The following COQ5 variants were observed in gnomAD, a reference collection of about 807,000 sequenced individuals.
COQ5 encodes coenzyme Q5, methyltransferase.
A neutral mutation model predicts 40.5 loss-of-function variants in COQ5; 27 were observed. The observed-to-expected ratio is 0.67, with a 90% CI of 0.49 to 0.92. The LOEUF (loss-of-function observed/expected upper bound fraction) is 0.92, where lower values mean the gene tolerates loss of function less well. Among genes scored for constraint, COQ5 ranks in the 40% least tolerant of loss-of-function variants. The pLI, the probability that COQ5 is intolerant of heterozygous loss-of-function variation, is 0.00. For synonymous variants in COQ5, 141 were observed against 150.0 expected, an observed-to-expected ratio of 0.94 and a Z score of 0.44; for missense variants, 409 against 406.4, an observed-to-expected ratio of 1.01 and a Z score of -0.06.
intron 2 of COQ5, 132 bp from the exon 3 acceptor site, chr12:120,516,920 G>A: frequency 1.3e-6 from 1 of 798,522 alleles, no homozygotes; most frequent in Admixed American, 1.9e-5. Context: ...ATGCAGTGTG[G>A]CTGAAAGCCA....
Position 120,523,076 on chromosome 12 carries a change from T to C in COQ5, c.203-713A>G, listed in dbSNP as rs975840752. 4 of 383,192 alleles carry C rather than the reference T, an allele frequency of 1.0e-5. No homozygotes were observed. The East Asian group carries it at 1.2e-4, about 12-fold the overall frequency. 23.7% of individuals were successfully genotyped at this position (383,192 alleles called of 1,614,324 possible). On this transcript the variant is annotated intron_variant, in intron 1 of 6. Coordinates refer to ENST00000288532, the MANE Select transcript of COQ5 (RefSeq NM_032314.4). ...CTTATCGGCCAGGCGCGGTGGCTCA[T>C]GCCTGTAATCCCAGCACTTTGGGAG...
intron 2 of COQ5, 96 bp from the exon 3 acceptor site, chr12:120,516,884 C>T (rs1869401514): frequency 3.8e-6 from 4 of 1,045,480 alleles, no homozygotes; most frequent in African/African-American, 1.6e-5. Context: ...AACAGAGGCA[C>T]AGGAGTACCT....
intron 3 of COQ5, among the ~76,000 whole-genome samples, chr12:120,513,631 T>C (rs1869246832): frequency 6.6e-6 from 1 of 150,438 alleles, no homozygotes; most frequent in African/African-American, 2.4e-5. Flanking sequence ...GAGATTCTCG[T>C]GCCTCAGCCT....
chr12:120,522,896 G>T, intron 1 of COQ5: 1 of 719,624 alleles, frequency 1.4e-6, no homozygotes, highest in Non-Finnish European at 2.5e-6. Flanking sequence ...GCTTTACAAG[G>T]GCCTTGATAG....
At chr12:120,513,922 A>C (rs1869261299) in intron 3 of COQ5, among the ~76,000 whole-genome samples, 1 of 152,180 alleles carries the variant, frequency 6.6e-6, no homozygotes, top group Admixed American at 6.6e-5. Context: ...GAGATTGATA[A>C]AACAAGGAGG....
intron 1 of COQ5, chr12:120,523,379 C>A: frequency 2.7e-6 from 1 of 367,942 alleles, no homozygotes; most frequent in Non-Finnish European, 5.2e-6. Flanking sequence ...ATCGGGGTTT[C>A]TTGATACCAT....
At chr12:120,526,660 C>A in intron 1 of COQ5, 6 of 213,252 alleles carry the variant, frequency 2.8e-5, no homozygotes, top group Non-Finnish European at 4.7e-5. Flanking sequence ...TTTCATACGA[C>A]AAGAAGGTGG....
chr12:120,516,932 G>C (rs533496672), intron 2 of COQ5, 144 bp from the exon 3 acceptor site: 2 of 753,312 alleles, frequency 2.7e-6, no homozygotes, highest in Non-Finnish European at 4.7e-6. Context: ...TGAAAGCCAA[G>C]TCCTTTCTTC....
intron 2 of COQ5, among the ~76,000 whole-genome samples, chr12:120,520,225 C>G (rs1419134812): frequency 6.6e-6 from 1 of 151,884 alleles, no homozygotes; most frequent in Non-Finnish European, 1.5e-5. Context: ...CTCACTGCAA[C>G]CTCTGCCTCC....
At chr12:120,523,357 C>A in intron 1 of COQ5, 1 of 346,242 alleles carries the variant, frequency 2.9e-6, no homozygotes, top group South Asian at 2.7e-5. Flanking sequence ...AAATAGGATT[C>A]ATATCTTTGT....
At chr12:120,504,152 G>C (rs1475516312) in intron 5 of COQ5, 71 bp from the exon 6 acceptor site, 8 of 968,326 alleles carry the variant, frequency 8.3e-6, no homozygotes, top group Non-Finnish European at 5.0e-6. Flanking sequence ...TAAGAAGAAA[G>C]AAGGACTAAA....
In COQ5 at chr12:120,528,949, C is replaced by T. The variant is rs997985890; in HGVS notation, c.193G>A (p.Gly65Arg). 1 of 1,614,168 alleles carries T rather than the reference C, an allele frequency of 6.2e-7. No homozygotes were observed. Among genetic ancestry groups the T allele is most frequent in the East Asian group, 2.2e-5 (1 of 44,892 alleles). The change falls in exon 1 of 7, where the codon GGG becomes AGG. Residue 65 changes from glycine (G) to arginine (R), a missense_variant. Physicochemically the swap from Gly to Arg is moderately radical, Grantham distance 125. Coordinates refer to ENST00000288532, the MANE Select transcript of COQ5 (RefSeq NM_032314.4). ...GFETVSEEEK[G>R]GKVYQVFESV... ...CTCTCGCCCCTTTCACCTTTGCCCC[C>T]CTTCTCCTCTTCCGACACAGTCTCA...
At chr12:120,506,519 A>G (rs1199260442) in intron 4 of COQ5, among the ~76,000 whole-genome samples, 5 of 151,874 alleles carry the variant, frequency 3.3e-5, no homozygotes, top group African/African-American at 1.2e-4. Flanking sequence ...GGTACATGCC[A>G]CCACACCCGG....
At chr12:120,519,341 C>T (rs1278302124) in intron 2 of COQ5, among the ~76,000 whole-genome samples, 2 of 152,002 alleles carry the variant, frequency 1.3e-5, no homozygotes, top group Admixed American at 1.3e-4. Flanking sequence ...GGCGGATCAC[C>T]TTAGGTCAGG....
intron 4 of COQ5, among the ~76,000 whole-genome samples, chr12:120,507,381 T>A (rs1868927995): frequency 6.7e-6 from 1 of 150,352 alleles, no homozygotes; most frequent in Admixed American, 6.6e-5. Flanking sequence ...GCCTCCCGGG[T>A]TCAAGCGATT....
intron 1 of COQ5, chr12:120,526,755 C>T: frequency 5.2e-6 from 1 of 191,382 alleles, no homozygotes; most frequent in South Asian, 4.8e-5. Flanking sequence ...TGCTCTGTCG[C>T]CCAGGCTGGA....
intron 3 of COQ5, among the ~76,000 whole-genome samples, chr12:120,513,788 G>T (rs1869255162): frequency 6.6e-6 from 1 of 151,992 alleles, no homozygotes; most frequent in African/African-American, 2.4e-5. Context: ...CCAAAGTGCT[G>T]GGATTACAGG....
At chr12:120,527,818 TAAAAAAAAAA>T (rs1444741947) in intron 1 of COQ5, among the ~76,000 whole-genome samples, 2 of 145,342 alleles carry the variant, frequency 1.4e-5, no homozygotes, top group Non-Finnish European at 3.0e-5. Flanking sequence ...CTGTCTGTAC[TAAAAAAAAAA>T]TACAAAAAAT....
At chr12:120,505,887 C>A (rs1868861813) in intron 4 of COQ5, among the ~76,000 whole-genome samples, 1 of 150,876 alleles carries the variant, frequency 6.6e-6, no homozygotes, top group Non-Finnish European at 1.5e-5. Flanking sequence ...CAGAGTTTCG[C>A]TCTTGTTGCC....
Sources: gnomAD v4.1 joint callset for allele counts (sites outside exome capture counted in the v4.1 genomes callset) on GRCh38, gnomAD v4.1.1 for gene constraint, MANE v1.5 for transcripts, NCBI Gene and HGNC (gene_info 2026-07-23, HGNC 2026-07-21) for gene names.